Variants in SH3GL3 observed in about 807,000 individuals in gnomAD.
SH3GL3 encodes the protein endophilin-A3.
A neutral mutation model predicts 47.7 loss-of-function variants in SH3GL3; 33 were observed. The observed-to-expected ratio is 0.69, with a 90% CI of 0.52 to 0.92. The LOEUF is 0.92. Among genes scored for constraint, SH3GL3 ranks in the 40% least tolerant of loss-of-function variants. The pLI is 0.00. For synonymous variants in SH3GL3, 155 were observed against 148.8 expected (o/e 1.04, Z -0.30); for missense variants, 363 against 417.8 (o/e 0.87, Z 1.14).
Position 83,448,350 on chromosome 15 carries a change from G to C in SH3GL3, c.45+772G>C, listed in dbSNP as rs891602570. Among the ~76,000 whole-genome samples, 1 of 152,032 alleles carries C rather than the reference G, an allele frequency of 6.6e-6. No individual in the cohort carries two copies. Among genetic ancestry groups the C allele is most frequent in the Non-Finnish European group, 1.5e-5 (1 of 67,996 alleles). ...GACATGTCATTTGAGAATTAAGTAT[G>C]AGGAAGAATTATGGCTGAGGGTGTG... is the stretch of plus-strand genomic sequence containing the variant. On this transcript the variant is annotated intron_variant, in intron 1 of 8. Transcript: ENST00000427482. The surrounding 1 kb of genome is among the most constrained non-coding windows in gnomAD (Gnocchi z 4.2).
Position 83,579,725 on chromosome 15 carries a change from CTCCTACCCAGGT to C in SH3GL3, c.624+2986_624+2997del, listed in dbSNP as rs759688225. Among the ~76,000 whole-genome samples, 143 of 152,318 alleles carry C rather than the reference CTCCTACCCAGGT, an allele frequency of 9.4e-4. 1 individual carries two copies. The highest frequency in any genetic ancestry group is 1.0e-3 in the Non-Finnish European group (69 of 68,030). ...CATGGTGCATGTGCGTTTACCTTTTCTCCTACCCAGGTTTATAGCTGAGGAGACTCAGAGATG... is the reference window on the plus strand; with the variant it reads ...CATGGTGCATGTGCGTTTACCTTTTCTTATAGCTGAGGAGACTCAGAGATG... On this transcript the variant is annotated intron_variant, in intron 6 of 8. Transcript: ENST00000427482.
At chr15:83,530,554 G>T (rs1387262995) in intron 1 of SH3GL3, among the ~76,000 whole-genome samples, 1 of 151,306 alleles carries the variant, frequency 6.6e-6, no homozygotes, top group South Asian at 2.1e-4. Flanking sequence ...TGGGGAGGTG[G>T]TGAGTGCCAG....
At chr15:83,536,400 C>CT (rs2043907695) in intron 1 of SH3GL3, among the ~76,000 whole-genome samples, 1 of 144,752 alleles carries the variant, frequency 6.9e-6, no homozygotes, top group Non-Finnish European at 1.5e-5. Flanking sequence ...CTTTTCTTTT[C>CT]TTTTCTTTTT....
At chr15:83,581,783 T>C (rs1321192883) in intron 6 of SH3GL3, among the ~76,000 whole-genome samples, 1 of 152,204 alleles carries the variant, frequency 6.6e-6, no homozygotes, top group African/African-American at 2.4e-5. Context: ...AATGGGAGAA[T>C]GAAGAAGAGT....
intron 8 of SH3GL3, among the ~76,000 whole-genome samples, chr15:83,595,210 G>A (rs1596325021): frequency 6.6e-6 from 1 of 152,278 alleles, no homozygotes; most frequent in East Asian, 1.9e-4. Flanking sequence ...AGCAACATGG[G>A]TGGAGCTGGA....
At chr15:83,464,291 G>A (rs1055949277) in intron 1 of SH3GL3, among the ~76,000 whole-genome samples, 6 of 152,276 alleles carry the variant, frequency 3.9e-5, no homozygotes, top group Admixed American at 3.9e-4. Flanking sequence ...TCCTTCAGGT[G>A]TCTTTTAATG....
chr15:83,487,882 T>TC (rs2041684193), intron 1 of SH3GL3, among the ~76,000 whole-genome samples: 1 of 150,976 alleles, frequency 6.6e-6, no homozygotes, highest in African/African-American at 2.4e-5. Context: ...TCTTTTCTTT[T>TC]TTTTTTTTTC....
intron 8 of SH3GL3, among the ~76,000 whole-genome samples, chr15:83,602,821 T>G (rs1025113215): frequency 7.9e-5 from 12 of 152,254 alleles, no homozygotes; most frequent in South Asian, 2.1e-4. Flanking sequence ...TGTCTTTTAT[T>G]CTGTGGGCTC....
chr15:83,565,003 C>T (rs562418217), intron 2 of SH3GL3, 131 bp from the exon 3 acceptor site: 9 of 494,248 alleles, frequency 1.8e-5, no homozygotes, highest in Admixed American at 4.1e-5. Context: ...ATGTTGAAAA[C>T]GTTCATTTGG....
chr15:83,466,372 T>C (rs983905534), intron 1 of SH3GL3, among the ~76,000 whole-genome samples: 6 of 152,104 alleles, frequency 3.9e-5, no homozygotes, highest in Non-Finnish European at 7.4e-5. Flanking sequence ...AATGTAAGTG[T>C]GTGTTTCTCT....
At chr15:83,633,533 A>G in the SH3GL3 span, among the ~76,000 whole-genome samples, 1,430 of 152,266 alleles carry the variant, frequency 9.4e-3, 14 homozygotes, top group Non-Finnish European at 0.016. Flanking sequence ...AACCCATGGT[A>G]TGCCCGCTAT....
chr15:83,481,823 A>G (rs1226628261), intron 1 of SH3GL3, among the ~76,000 whole-genome samples: 2 of 152,178 alleles, frequency 1.3e-5, no homozygotes, highest in Admixed American at 6.5e-5. Context: ...GTGCTCTTGG[A>G]GTTAATATTT....
At chr15:83,491,844 G>A (rs2041886002) in intron 1 of SH3GL3, among the ~76,000 whole-genome samples, 1 of 152,154 alleles carries the variant, frequency 6.6e-6, no homozygotes, top group Admixed American at 6.5e-5. Context: ...ACCAATGAGA[G>A]GGGGCTTAAG....
At chr15:83,615,321 T>G (rs1407370583) in intron 8 of SH3GL3, among the ~76,000 whole-genome samples, 1 of 152,124 alleles carries the variant, frequency 6.6e-6, no homozygotes, top group Non-Finnish European at 1.5e-5. Context: ...TTTTATTTAT[T>G]TATTTATTTT....
intron 8 of SH3GL3, among the ~76,000 whole-genome samples, chr15:83,610,603 A>G (rs1441940782): frequency 6.6e-6 from 1 of 151,990 alleles, no homozygotes; most frequent in Non-Finnish European, 1.5e-5. Context: ...CAAACTAACA[A>G]TTTTCAGGGG....
intron 2 of SH3GL3, among the ~76,000 whole-genome samples, chr15:83,559,601 G>A (rs1286092563): frequency 1.3e-5 from 2 of 152,160 alleles, no homozygotes; most frequent in African/African-American, 2.4e-5. Flanking sequence ...GGGCAATCTT[G>A]GCAGTTACTG....
At chr15:83,473,798 G>T (rs1223127466) in intron 1 of SH3GL3, among the ~76,000 whole-genome samples, 1 of 151,208 alleles carries the variant, frequency 6.6e-6, no homozygotes, top group African/African-American at 2.4e-5. Flanking sequence ...CTGCCCGCCT[G>T]GGCCTCCCAA....
At chr15:83,566,365 A>AGAGAGAGAGTGTGT (rs1459069703) in intron 3 of SH3GL3, among the ~76,000 whole-genome samples, 2 of 136,626 alleles carry the variant, frequency 1.5e-5, no homozygotes, top group Non-Finnish European at 3.1e-5. Flanking sequence ...AGAGAGAGAG[A>AGAGAGAGAGTGTGT]GTGTGTGTGT....
In SH3GL3 at chr15:83,485,385, A is replaced by G. The variant is rs567311692; in HGVS notation, c.45+37807A>G. 3.2e-4 allele frequency among the ~76,000 whole-genome samples: 49 copies of G among 152,156 alleles called. No individual in the cohort carries two copies. The Middle Eastern group carries it at 0.017, about 53-fold the overall frequency. On this transcript the variant is annotated intron_variant, in intron 1 of 8. Transcript: ENST00000427482. ...AAAAAGTGTTGTGTTCTTTGCGATG[A>G]TTTTTGTTTTTAGGTAATTTTTTGC... is the stretch of plus-strand genomic sequence containing the variant.
Sources: gnomAD v4.1 joint callset for allele counts (sites outside exome capture counted in the v4.1 genomes callset) on GRCh38, gnomAD v4.1.1 for gene constraint, Gnocchi (gnomAD v3.1) non-coding constraint, MANE v1.5 for transcripts, NCBI Gene and HGNC (gene_info 2026-07-23, HGNC 2026-07-21) for gene names.